Variants in LCP1 observed in about 807,000 individuals in gnomAD.
The protein encoded by LCP1 is plastin-2.
A neutral mutation model predicts 72.0 loss-of-function variants in LCP1; 23 were observed. The observed-to-expected ratio is 0.32, with a 90% confidence interval of 0.23 to 0.45. The LOEUF (loss-of-function observed/expected upper bound fraction) is 0.45, where lower values mean the gene tolerates loss of function less well. Ranked by LOEUF, LCP1 falls within the 20% of genes least tolerant of loss-of-function variation. The pLI, the probability that LCP1 is intolerant of heterozygous loss-of-function variation, is 1.00. For missense variants in LCP1, 571 were observed against 748.3 expected (o/e 0.76, Z 2.76); for synonymous variants, 245 against 275.4 (o/e 0.89, Z 1.09).
At chr13:46,135,041 A>G (rs751472978) in intron 13 of LCP1, among the ~76,000 whole-genome samples, 22 of 146,862 alleles carry the variant, frequency 1.5e-4, no homozygotes, top group Non-Finnish European at 3.0e-4. Flanking sequence ...CCTGGGAGGC[A>G]GAGGTTGCAG....
chr13:46,130,793 G>A (rs748242110), intron 15 of LCP1, 21 bp downstream of exon 15: 1 of 1,612,222 alleles, frequency 6.2e-7, no homozygotes, highest in Middle Eastern at 1.7e-4. Context: ...CCCAATCTGA[G>A]GTTTATTTTT....
chr13:46,131,259 G>T (rs1020822100), intron 14 of LCP1, among the ~76,000 whole-genome samples: 1 of 152,054 alleles, frequency 6.6e-6, no homozygotes, highest in Admixed American at 6.6e-5. Context: ...AAAAATGCTC[G>T]GCATCACTAA....
At chr13:46,168,954 A>G (rs1316955037) in intron 1 of LCP1, among the ~76,000 whole-genome samples, 3 of 152,290 alleles carry the variant, frequency 2.0e-5, no homozygotes, top group East Asian at 1.9e-4. Flanking sequence ...TTCTGGGTCT[A>G]TGCCAACTTC....
intron 14 of LCP1, among the ~76,000 whole-genome samples, chr13:46,132,808 G>A (rs555640680): frequency 2.0e-5 from 3 of 152,204 alleles, no homozygotes; most frequent in Admixed American, 6.5e-5. Flanking sequence ...ACACTCCTGC[G>A]ACAGCCCTGC....
intron 4 of LCP1, among the ~76,000 whole-genome samples, chr13:46,157,628 A>T (rs1593956542): frequency 6.6e-6 from 1 of 152,218 alleles, no homozygotes; most frequent in South Asian, 2.1e-4. Flanking sequence ...TCTCCGCCTT[A>T]AAGATTCACA....
intron 13 of LCP1, among the ~76,000 whole-genome samples, chr13:46,134,633 T>A (rs1234414595): frequency 1.3e-5 from 2 of 152,156 alleles, no homozygotes; most frequent in African/African-American, 4.8e-5. Context: ...GTAGCCTACA[T>A]GATAAAGAAA....
chr13:46,158,265 T>C (rs1479017347), intron 4 of LCP1, among the ~76,000 whole-genome samples: 3 of 152,194 alleles, frequency 2.0e-5, no homozygotes, highest in Non-Finnish European at 1.5e-5. Context: ...ATTTTGTCCA[T>C]AAGATTTAGA....
chr13:46,156,341 G>C (rs1026832151), intron 5 of LCP1, 97 bp downstream of exon 5: 2 of 1,434,882 alleles, frequency 1.4e-6, no homozygotes, highest in African/African-American at 2.8e-5. Context: ...GTGCAGCTGA[G>C]CACCAAACAA....
intron 4 of LCP1, 134 bp from the exon 5 acceptor site, chr13:46,156,704 ATATT>A (rs2045803535): frequency 2.1e-6 from 2 of 954,618 alleles, no homozygotes; most frequent in Non-Finnish European, 3.2e-6. Context: ...TTATCATCTC[ATATT>A]TATTAAGATT....
At chr13:46,130,720 G>C in intron 15 of LCP1, 94 bp downstream of exon 15, 1 of 1,401,524 alleles carries the variant, frequency 7.1e-7, no homozygotes, top group Middle Eastern at 2.4e-4. Flanking sequence ...AAAATGAAAT[G>C]TTTGTATAAA....
At chr13:46,160,288 C>T (rs747778500) in intron 1 of LCP1, among the ~76,000 whole-genome samples, 29 of 152,126 alleles carry the variant, frequency 1.9e-4, no homozygotes, top group Non-Finnish European at 3.8e-4. Context: ...GCAGAAGAAT[C>T]GCCCAGCTGT....
intron 1 of LCP1, among the ~76,000 whole-genome samples, chr13:46,178,028 T>TGTTTATTTTTCCAGGAA (rs372848249): frequency 0.042 from 6,452 of 152,266 alleles, 456 homozygotes; most frequent in African/African-American, 0.15. Flanking sequence ...GTTTGCTACC[T>TGTTTATTTTTCCAGGAA]GTTTATTCCA....
At chr13:46,159,496 G>C in intron 2 of LCP1, 103 bp downstream of exon 2, 1 of 889,328 alleles carries the variant, frequency 1.1e-6, no homozygotes, top group South Asian at 1.4e-5. Context: ...CTGGTTTCTT[G>C]TCATCTCTGA....
At chr13:46,167,229 A>G (rs980530693) in intron 1 of LCP1, among the ~76,000 whole-genome samples, 7 of 152,210 alleles carry the variant, frequency 4.6e-5, no homozygotes, top group Non-Finnish European at 5.9e-5. Context: ...ATGGGAAGCT[A>G]GCAATCCAGA....
chr13:46,178,462 C>A (rs1464702635), intron 1 of LCP1, among the ~76,000 whole-genome samples: 1 of 152,132 alleles, frequency 6.6e-6, no homozygotes, highest in South Asian at 2.1e-4. Flanking sequence ...ACGGCCACAG[C>A]AGCTATAGGG....
intron 7 of LCP1, among the ~76,000 whole-genome samples, chr13:46,152,161 T>TTTTC (rs1243354091): frequency 6.6e-6 from 1 of 152,154 alleles, no homozygotes; most frequent in Non-Finnish European, 1.5e-5. Context: ...TTACCTTTCT[T>TTTTC]TTTCTTTCTT....
At chr13:46,128,599 G>GA (rs1238721649) in intron 15 of LCP1, among the ~76,000 whole-genome samples, 2,136 of 143,690 alleles carry the variant, frequency 0.015, 47 homozygotes, top group African/African-American at 0.048. Context: ...CTCCGTCTCA[G>GA]AAAAAAAAAA....
intron 13 of LCP1, among the ~76,000 whole-genome samples, chr13:46,136,827 A>G (rs546214294): frequency 1.3e-5 from 2 of 152,308 alleles, no homozygotes; most frequent in South Asian, 2.1e-4. Flanking sequence ...ACTAAGTTTA[A>G]TCAGTCTTCT....
chr13:46,181,716 C>T (rs73189845), intron 1 of LCP1, among the ~76,000 whole-genome samples: 2 of 152,108 alleles, frequency 1.3e-5, no homozygotes, highest in African/African-American at 2.4e-5. Context: ...GCCAATAAGC[C>T]ATACAATCTA....
Sources: allele counts gnomAD v4.1 joint callset (sites outside exome capture counted in the v4.1 genomes callset), GRCh38; gene constraint gnomAD v4.1.1; transcripts MANE v1.5; gene names NCBI Gene and HGNC (gene_info 2026-07-23, HGNC 2026-07-21).